Variants in PLXDC2 observed in about 807,000 individuals in gnomAD.
PLXDC2 encodes plexin domain-containing protein 2.
In PLXDC2, 40 loss-of-function variants were observed where a neutral mutation model predicts 68.9. The observed-to-expected ratio is 0.58, with a 90% CI of 0.45 to 0.76. The LOEUF is 0.76. Among genes scored for constraint, PLXDC2 ranks in the 30% least tolerant of loss-of-function variants. The pLI, the probability that PLXDC2 is intolerant of heterozygous loss-of-function variation, is 0.00. For synonymous variants in PLXDC2, 243 were observed against 234.2 expected (o/e 1.04, Z -0.34); for missense variants, 644 against 661.9 (o/e 0.97, Z 0.30).
At chr10:19,986,397 C>T (rs1251856401) in intron 1 of PLXDC2, among the ~76,000 whole-genome samples, 2 of 151,882 alleles carry the variant, frequency 1.3e-5, no homozygotes, top group Non-Finnish European at 1.5e-5. Flanking sequence ...AACAGGTTAA[C>T]AAATTTAAGG....
chr10:20,039,016 C>T (rs553034852), intron 2 of PLXDC2, among the ~76,000 whole-genome samples: 2 of 152,296 alleles, frequency 1.3e-5, no homozygotes, highest in East Asian at 1.9e-4. Flanking sequence ...AAAGGCCACA[C>T]TGAAATGAAC....
intron 1 of PLXDC2, among the ~76,000 whole-genome samples, chr10:19,981,697 A>T (rs1040076957): frequency 6.6e-6 from 1 of 152,244 alleles, no homozygotes; most frequent in African/African-American, 2.4e-5. Flanking sequence ...TGGCTAATTC[A>T]GCATGCGCCT....
chr10:20,062,574 A>C (rs1836126111), intron 3 of PLXDC2, among the ~76,000 whole-genome samples: 2 of 152,180 alleles, frequency 1.3e-5, no homozygotes, highest in African/African-American at 2.4e-5. Context: ...AATTTGGAAA[A>C]AGTGATTAAA....
At chr10:20,071,091 A>C (rs886143474) in intron 4 of PLXDC2, 1 of 152,220 alleles carries the variant, frequency 6.6e-6, no homozygotes, top group Admixed American at 6.5e-5. Context: ...CTTGCATATA[A>C]CAATCTGTGC....
rs1414368613 is a variant in PLXDC2 at position 20,167,680 on chromosome 10, T to C, written c.883+3113T>C. Among the ~76,000 whole-genome samples the C allele has an allele frequency of 2.0e-5, 3 of 152,122 alleles. No homozygotes were observed. In the East Asian group the frequency reaches 5.8e-4, roughly 29 times the overall value. On this transcript the variant is annotated intron_variant, in intron 7 of 13. Transcript: ENST00000377252. ...GAACCCTGTTCTCATAAGATCAGTT[T>C]TCTATTCTATTAATCATTTTAGTTA...
intron 12 of PLXDC2, among the ~76,000 whole-genome samples, chr10:20,228,554 C>CA (rs1255679707): frequency 1.5e-5 from 2 of 131,372 alleles, no homozygotes; most frequent in South Asian, 2.5e-4. Flanking sequence ...AGTGAGTCTT[C>CA]AAAAAAAAAT....
chr10:19,915,883 GAAA>G (rs1554844796), intron 1 of PLXDC2, among the ~76,000 whole-genome samples: 17 of 144,386 alleles, frequency 1.2e-4, no homozygotes, highest in East Asian at 6.3e-4. Flanking sequence ...AGAAGAAGAA[GAAA>G]AAAAACAGCT....
chr10:20,160,279 G>C (rs756822058), intron 6 of PLXDC2, among the ~76,000 whole-genome samples: 5 of 152,002 alleles, frequency 3.3e-5, no homozygotes, highest in Non-Finnish European at 7.4e-5. Context: ...AGAGTTATAT[G>C]GTAGTGGTGG....
At chr10:20,231,576 A>C (rs1220385453) in intron 12 of PLXDC2, among the ~76,000 whole-genome samples, 2 of 151,952 alleles carry the variant, frequency 1.3e-5, no homozygotes, top group East Asian at 3.9e-4. Flanking sequence ...TAATTTTAAA[A>C]GAAGGAAATA....
rs11289832 is a variant in PLXDC2, at chr10:20,105,048, CAAAAAAAAAAAAA to C, written c.541+36820_541+36832del. Among the ~76,000 whole-genome samples the C allele has an allele frequency of 2.9e-4, 28 of 97,270 alleles. No homozygotes were observed. In the South Asian group the frequency reaches 9.1e-3, roughly 32 times the overall value. The allele number at this position is 97,270 out of a possible 152,430, so 63.8% of individuals were successfully genotyped here. A position where few individuals can be genotyped will look rare whatever the true frequency, so the allele number is the denominator to read the frequency against. On this transcript the variant is annotated intron_variant, in intron 4 of 13. Coordinates refer to ENST00000377252, the MANE Select transcript of PLXDC2 (RefSeq NM_032812.9). ...CCTGGCGACAGAGCTAGACTCCATCCAAAAAAAAAAAAAAAAAAAAAAAGAGCTTCCAGATCTT... is the reference window on the plus strand; with the variant it reads ...CCTGGCGACAGAGCTAGACTCCATCCAAAAAAAAAAGAGCTTCCAGATCTT...
chr10:20,094,242 G>A (rs1833318846), intron 4 of PLXDC2, among the ~76,000 whole-genome samples: 1 of 152,086 alleles, frequency 6.6e-6, no homozygotes, highest in Admixed American at 6.6e-5. Context: ...AAGTAATTTG[G>A]GTATGGCTTA....
chr10:19,971,463 A>C lies in PLXDC2; in HGVS notation c.113-30312A>C, dbSNP rs1169930653. ...TCGAAGTTGTTATACCGGAAATCAGAGGTAAGAATTCAATAAGAGTGCTGA... is the reference window on the plus strand; with the variant it reads ...TCGAAGTTGTTATACCGGAAATCAGCGGTAAGAATTCAATAAGAGTGCTGA... On this transcript the variant is annotated intron_variant, in intron 1 of 13. Transcript: ENST00000377252. Among the ~76,000 whole-genome samples, 6 of 152,258 alleles carry C rather than the reference A, an allele frequency of 3.9e-5. No homozygotes were observed. In the East Asian group the frequency reaches 9.6e-4, roughly 24 times the overall value.
intron 9 of PLXDC2, among the ~76,000 whole-genome samples, chr10:20,177,760 A>G (rs369493695): frequency 2.0e-5 from 3 of 147,782 alleles, no homozygotes; most frequent in East Asian, 2.0e-4. Flanking sequence ...AGAAAAAAAA[A>G]GTCCCACTGA....
intron 9 of PLXDC2, among the ~76,000 whole-genome samples, chr10:20,200,536 T>C (rs1016487023): frequency 2.0e-5 from 3 of 151,922 alleles, no homozygotes; most frequent in African/African-American, 7.3e-5. Context: ...CATAAACAAT[T>C]GGCATTGCAA....
At chr10:19,954,301 A>ATTTTGTATCC (rs1218349690) in intron 1 of PLXDC2, among the ~76,000 whole-genome samples, 1 of 152,078 alleles carries the variant, frequency 6.6e-6, no homozygotes, top group Admixed American at 6.6e-5. Flanking sequence ...TATTATCCTT[A>ATTTTGTATCC]TGGACATTTT....
At chr10:20,006,015 C>T (rs144154906) in intron 2 of PLXDC2, among the ~76,000 whole-genome samples, 18 of 152,082 alleles carry the variant, frequency 1.2e-4, no homozygotes, top group African/African-American at 4.3e-4. Context: ...CAAGGTGAAA[C>T]GTCATCTCTA....
At chr10:19,909,468 C>T (rs1833227424) in intron 1 of PLXDC2, among the ~76,000 whole-genome samples, 1 of 152,126 alleles carries the variant, frequency 6.6e-6, no homozygotes, top group Non-Finnish European at 1.5e-5. Context: ...ACCAAAGTCA[C>T]AAATCAAACT....
chr10:20,137,786 G>A (rs981473305), intron 4 of PLXDC2, among the ~76,000 whole-genome samples: 6 of 152,190 alleles, frequency 3.9e-5, no homozygotes, highest in Admixed American at 2.6e-4. Flanking sequence ...TGTGGAGTTC[G>A]CACGTTCTCC....
At chr10:19,882,952 C>CCTTT (rs773831855) in intron 1 of PLXDC2, among the ~76,000 whole-genome samples, 9 of 138,394 alleles carry the variant, frequency 6.5e-5, no homozygotes, top group African/African-American at 1.6e-4. Context: ...TTTTTTTTTT[C>CCTTT]CTTTCTTTCT....
Sources: allele counts gnomAD v4.1 joint callset (sites outside exome capture counted in the v4.1 genomes callset), GRCh38; gene constraint gnomAD v4.1.1; transcripts MANE v1.5; gene names NCBI Gene and HGNC (gene_info 2026-07-23, HGNC 2026-07-21).